CDH12: variants seen among roughly 807,000 people sequenced by gnomAD.
CDH12 encodes cadherin-12.
In CDH12, 41 loss-of-function variants were observed where a neutral mutation model predicts 74.1. That is an observed-to-expected ratio of 0.55 (90% confidence interval 0.43 to 0.72). The LOEUF is 0.72. CDH12 is among the 30% of genes least tolerant of loss of function. CDH12 has a pLI of 0.00. For synonymous variants in CDH12, 399 were observed against 355.0 expected (o/e 1.12, Z -1.39); for missense variants, 945 against 977.2 (o/e 0.97, Z 0.44).
intron 1 of CDH12, among the ~76,000 whole-genome samples, chr5:22,669,321 T>C (rs1463379283): frequency 6.6e-6 from 1 of 152,210 alleles, no homozygotes; most frequent in African/African-American, 2.4e-5. Flanking sequence ...AGATTAAACA[T>C]ACATATCCAA....
At chr5:22,781,973 G>A (rs1159212513) in intron 1 of CDH12, among the ~76,000 whole-genome samples, 4 of 152,144 alleles carry the variant, frequency 2.6e-5, no homozygotes, top group African/African-American at 4.8e-5. Flanking sequence ...CATGGGGACT[G>A]TGGCCCCTTT....
intron 1 of CDH12, among the ~76,000 whole-genome samples, chr5:22,788,614 TTAA>T (rs1187979946): frequency 6.8e-6 from 1 of 148,060 alleles, no homozygotes; most frequent in African/African-American, 2.5e-5. Flanking sequence ...ATGAAATATA[TTAA>T]TAAATACAAT....
chr5:22,167,660 A>T (rs12186864), intron 4 of CDH12, among the ~76,000 whole-genome samples: 20,005 of 152,122 alleles, frequency 0.13, 1,432 homozygotes, highest in South Asian at 0.17. Flanking sequence ...ATCCTTACAG[A>T]TACTATAAAT....
At chr5:22,432,011 A>C (rs1313577811) in intron 2 of CDH12, among the ~76,000 whole-genome samples, 1 of 152,138 alleles carries the variant, frequency 6.6e-6, no homozygotes, top group Non-Finnish European at 1.5e-5. Context: ...TAGGCGTTCA[A>C]ATTCACTCAC....
At chr5:22,407,245 T>G (rs939203585) in intron 2 of CDH12, among the ~76,000 whole-genome samples, 1 of 152,124 alleles carries the variant, frequency 6.6e-6, no homozygotes, top group African/African-American at 2.4e-5. Context: ...TCTTCTCCTA[T>G]GATTGCATAT....
intron 1 of CDH12, among the ~76,000 whole-genome samples, chr5:22,598,296 C>T (rs1037434690): frequency 6.6e-6 from 1 of 152,112 alleles, no homozygotes; most frequent in African/African-American, 2.4e-5. Context: ...TGTAATAATT[C>T]CCATGTGTCA....
At chr5:21,809,623 C>T (rs1334727139) in intron 9 of CDH12, among the ~76,000 whole-genome samples, 1 of 152,074 alleles carries the variant, frequency 6.6e-6, no homozygotes, top group Non-Finnish European at 1.5e-5. Context: ...ATTTGCAAAA[C>T]GTTCCAAACT....
intron 6 of CDH12, among the ~76,000 whole-genome samples, chr5:21,921,857 C>G (rs1034741734): frequency 1.3e-5 from 2 of 152,176 alleles, no homozygotes; most frequent in Non-Finnish European, 2.9e-5. Flanking sequence ...AAACTGCTGG[C>G]CTTCCCCTCC....
intron 1 of CDH12, among the ~76,000 whole-genome samples, chr5:22,805,751 T>A (rs1353972603): frequency 6.6e-6 from 1 of 152,178 alleles, no homozygotes; most frequent in African/African-American, 2.4e-5. Context: ...GGTAGTTTGC[T>A]GCAACCATCA....
intron 2 of CDH12, among the ~76,000 whole-genome samples, chr5:22,493,401 T>C (rs1172920754): frequency 1.3e-5 from 2 of 152,182 alleles, no homozygotes; most frequent in Non-Finnish European, 2.9e-5. Context: ...AATAGGTGCA[T>C]GAAATATATT....
At chr5:22,275,022 A>G (rs1381410450) in intron 3 of CDH12, among the ~76,000 whole-genome samples, 1 of 152,160 alleles carries the variant, frequency 6.6e-6, no homozygotes, top group Non-Finnish European at 1.5e-5. Context: ...AAAATTCAAC[A>G]TTATGAAAAG....
intron 4 of CDH12, chr5:22,139,685 T>C (rs1746679416): frequency 6.7e-6 from 1 of 148,736 alleles, no homozygotes; most frequent in South Asian, 2.1e-4. Flanking sequence ...TTCCTCAGAT[T>C]AGCATTTGGC....
chr5:21,878,667 G>A (rs1752067032), intron 6 of CDH12, among the ~76,000 whole-genome samples: 1 of 151,520 alleles, frequency 6.6e-6, no homozygotes, highest in Non-Finnish European at 1.5e-5. Context: ...ACTGGAGAAT[G>A]AGAAGCAAAG....
intron 2 of CDH12, among the ~76,000 whole-genome samples, chr5:22,437,975 G>A: frequency 6.6e-6 from 1 of 151,762 alleles, no homozygotes; most frequent in East Asian, 1.9e-4. Context: ...GCCTTGTTTG[G>A]GATTAAAGAT....
intron 1 of CDH12, among the ~76,000 whole-genome samples, chr5:22,575,675 A>G (rs10043281): frequency 4.5e-4 from 68 of 151,952 alleles, no homozygotes; most frequent in African/African-American, 1.6e-3. Context: ...AGGGATTCAC[A>G]TCCCTCAGCC....
At chr5:22,407,337 A>G (rs1269457338) in intron 2 of CDH12, among the ~76,000 whole-genome samples, 2 of 151,982 alleles carry the variant, frequency 1.3e-5, no homozygotes, top group Non-Finnish European at 2.9e-5. Context: ...TTCTCCTCCC[A>G]TATTAGTCAT....
intron 4 of CDH12, chr5:22,139,736 A>T (rs1377720696): frequency 6.6e-6 from 1 of 151,732 alleles, no homozygotes; most frequent in African/African-American, 2.4e-5. Flanking sequence ...CTATTTATAC[A>T]TTTAAAAGTA....
At chr5:22,273,597 C>T (rs1176205720) in intron 3 of CDH12, among the ~76,000 whole-genome samples, 3 of 152,144 alleles carry the variant, frequency 2.0e-5, no homozygotes, top group Non-Finnish European at 4.4e-5. Flanking sequence ...TTGATGAGAA[C>T]TCTCAGCGTC....
chr5:21,828,905 T>A (rs1748836772), intron 8 of CDH12, among the ~76,000 whole-genome samples: 1 of 93,404 alleles, frequency 1.1e-5, no homozygotes, highest in Admixed American at 1.7e-4. Context: ...TTAAATCCTA[T>A]GTCTTTTTTT....
Sources: gnomAD v4.1 joint callset for allele counts (sites outside exome capture counted in the v4.1 genomes callset) on GRCh38, gnomAD v4.1.1 for gene constraint, MANE v1.5 for transcripts, NCBI Gene and HGNC (gene_info 2026-07-23, HGNC 2026-07-21) for gene names.